The following RAP1GAP2 variants were observed in gnomAD, a reference collection of about 807,000 sequenced individuals.
RAP1GAP2 encodes RAP1 GTPase activating protein 2.
A neutral mutation model predicts 95.0 loss-of-function variants in RAP1GAP2; 27 were observed. That is an observed-to-expected ratio of 0.28 (90% CI 0.21 to 0.39). RAP1GAP2 has a LOEUF of 0.39. Among genes scored for constraint, RAP1GAP2 ranks in the 10% least tolerant of loss-of-function variants. RAP1GAP2 has a pLI of 1.00. For synonymous variants in RAP1GAP2, 373 were observed against 380.9 expected (o/e 0.98, Z 0.24); for missense variants, 771 against 970.0 (o/e 0.79, Z 2.72).
upstream of RAP1GAP2, among the ~76,000 whole-genome samples, chr17:2,776,107 A>T (rs1202853123): frequency 6.6e-6 from 1 of 152,052 alleles, no homozygotes; most frequent in Non-Finnish European, 1.5e-5. Context: ...TGAACCCGGG[A>T]GGCGGAGGTT....
intron 4 of RAP1GAP2, among the ~76,000 whole-genome samples, chr17:2,961,440 G>C (rs1018228795): frequency 2.0e-5 from 3 of 152,150 alleles, no homozygotes. Flanking sequence ...GCTTGAACCT[G>C]GGAGGTGGAG....
chr17:2,870,719 C>T lies in RAP1GAP2; in HGVS notation c.81-34565C>T, dbSNP rs1303582947. 6.6e-6 allele frequency among the ~76,000 whole-genome samples: 1 copy of T among 152,168 alleles called. No homozygotes were observed. The highest frequency in any genetic ancestry group is 1.5e-5 in the Non-Finnish European group (1 of 68,030). On this transcript the variant is annotated intron_variant, in intron 2 of 24. Transcript: ENST00000254695. This position sits in a 1 kb window ranked among gnomAD's most constrained non-coding sequence, Gnocchi z 4.4. Reference sequence around the variant, plus strand: ...AGTCAAGACCCTTGGTGGCAAGTGACAGAGGCCCATCTTGAATTAGCCAAA... The same window carrying T: ...AGTCAAGACCCTTGGTGGCAAGTGATAGAGGCCCATCTTGAATTAGCCAAA...
At chr17:2,925,007 G>A (rs191763532) in intron 3 of RAP1GAP2, among the ~76,000 whole-genome samples, 2 of 152,224 alleles carry the variant, frequency 1.3e-5, no homozygotes, top group African/African-American at 4.8e-5. Flanking sequence ...ACCTCAGGCC[G>A]CTGTGGATTC....
intron 2 of RAP1GAP2, among the ~76,000 whole-genome samples, chr17:2,804,647 T>A (rs925289485): frequency 6.6e-6 from 1 of 152,232 alleles, no homozygotes; most frequent in Non-Finnish European, 1.5e-5. Context: ...CCCATCCCCT[T>A]GCTGGAGGCC....
chr17:2,828,547 GC>G (rs1389836227), intron 2 of RAP1GAP2, among the ~76,000 whole-genome samples: 4 of 152,116 alleles, frequency 2.6e-5, no homozygotes, highest in Non-Finnish European at 5.9e-5. Context: ...GAGGAAGGAG[GC>G]CCCTGAAGAG....
chr17:2,858,926 C>G (rs72817399), intron 2 of RAP1GAP2, among the ~76,000 whole-genome samples: 3 of 151,442 alleles, frequency 2.0e-5, no homozygotes, highest in African/African-American at 4.9e-5. Context: ...CTTAAAAAAA[C>G]CCCCGTAACA....
At chr17:2,849,671 G>C (rs4550484) in intron 2 of RAP1GAP2, among the ~76,000 whole-genome samples, 1 of 152,112 alleles carries the variant, frequency 6.6e-6, no homozygotes, top group African/African-American at 2.4e-5. Context: ...GGCAGCTGCC[G>C]GGCACTTTGT....
intron 2 of RAP1GAP2, among the ~76,000 whole-genome samples, chr17:2,888,652 CTTTTTTTTT>C (rs59994615): frequency 1.9e-5 from 2 of 104,020 alleles, no homozygotes; most frequent in African/African-American, 3.8e-5. Context: ...TTTTCTTTTT[CTTTTTTTTT>C]TTTTTTTTGG....
chr17:2,894,649 TCTC>T (rs2073828196), intron 2 of RAP1GAP2, among the ~76,000 whole-genome samples: 1 of 152,116 alleles, frequency 6.6e-6, no homozygotes, highest in Non-Finnish European at 1.5e-5. Flanking sequence ...GCAAAGCGAC[TCTC>T]CTCCTCCGTC....
intron 4 of RAP1GAP2, chr17:2,962,359 CAGATGAGAACAT>C: frequency 2.7e-6 from 1 of 374,894 alleles, no homozygotes. Flanking sequence ...TCCCATTTTA[CAGATGAGAACAT>C]TGAGTCACAG....
chr17:3,027,138 AG>A lies in RAP1GAP2; in HGVS notation c.2107+71del. The A allele has an allele frequency of 6.7e-7, 1 of 1,495,662 alleles. No individual in the cohort carries two copies. Among genetic ancestry groups the A allele is most frequent in the Non-Finnish European group, 9.0e-7 (1 of 1,114,096 alleles). The allele number at this position is 1,495,662 out of a possible 1,614,324, so 92.6% of individuals were successfully genotyped here. On this transcript the variant is annotated intron_variant, in intron 22 of 24. Coordinates refer to ENST00000254695, the MANE Select transcript of RAP1GAP2 (RefSeq NM_015085.5). This position sits in a 1 kb window ranked among gnomAD's most constrained non-coding sequence, Gnocchi z 5.2. ...AGGCTGTGCCCTGTCCACTGTTAGC[AG>A]GGCCCCAGCCACGCTGAACTGGCCA...
intron 3 of RAP1GAP2, among the ~76,000 whole-genome samples, chr17:2,917,646 C>G (rs2042614340): frequency 1.3e-5 from 2 of 152,038 alleles, no homozygotes; most frequent in Non-Finnish European, 2.9e-5. Flanking sequence ...CTCAGGTGAT[C>G]CTCCCACCTG....
chr17:2,806,843 A>G (rs1478622965), intron 2 of RAP1GAP2, among the ~76,000 whole-genome samples: 2 of 150,648 alleles, frequency 1.3e-5, no homozygotes, highest in Admixed American at 6.6e-5. Flanking sequence ...GACCATACCC[A>G]ACTATTTTTT....
chr17:2,888,622 T>G (rs1421576121), intron 2 of RAP1GAP2, among the ~76,000 whole-genome samples: 13 of 151,672 alleles, frequency 8.6e-5, no homozygotes, highest in East Asian at 1.9e-4. Flanking sequence ...GGCTGGATAG[T>G]ATCGTGCATA....
intron 8 of RAP1GAP2, among the ~76,000 whole-genome samples, chr17:2,975,296 T>C (rs1019465364): frequency 1.3e-5 from 2 of 152,076 alleles, no homozygotes; most frequent in African/African-American, 4.8e-5. Flanking sequence ...TATAAATAGA[T>C]TAAATTAGCC....
chr17:2,957,331 G>A (rs2044153525), intron 3 of RAP1GAP2, among the ~76,000 whole-genome samples: 1 of 152,140 alleles, frequency 6.6e-6, no homozygotes, highest in Non-Finnish European at 1.5e-5. Flanking sequence ...TGCTTTCACC[G>A]GTTGGTTTTC....
chr17:2,937,137 C>T (rs1182808028), intron 3 of RAP1GAP2, among the ~76,000 whole-genome samples: 3 of 152,078 alleles, frequency 2.0e-5, no homozygotes, highest in Non-Finnish European at 4.4e-5. Context: ...AGGAGGTGAC[C>T]TCCAAGTTAA....
chr17:2,981,290 G>A (rs1230638747), intron 10 of RAP1GAP2, 42 bp downstream of exon 10: 1 of 1,559,100 alleles, frequency 6.4e-7, no homozygotes, highest in African/African-American at 1.4e-5. Context: ...CCTGCAGCTT[G>A]GCAAGGATTT....
At chr17:2,925,433 G>C (rs2042922593) in intron 3 of RAP1GAP2, among the ~76,000 whole-genome samples, 1 of 152,164 alleles carries the variant, frequency 6.6e-6, no homozygotes, top group Admixed American at 6.5e-5. Flanking sequence ...CAGCAGGAAA[G>C]AGAAGAGCGA....
Sources: allele counts gnomAD v4.1 joint callset (sites outside exome capture counted in the v4.1 genomes callset), GRCh38; gene constraint gnomAD v4.1.1; non-coding constraint Gnocchi (gnomAD v3.1); transcripts MANE v1.5; gene names NCBI Gene and HGNC (gene_info 2026-07-23, HGNC 2026-07-21).